Variants in FREM3 observed in about 807,000 individuals in gnomAD.
FREM3 encodes the protein FRAS1-related extracellular matrix protein 3.
A neutral mutation model predicts 129.1 loss-of-function variants in FREM3; 105 were observed. The ratio of observed to expected loss-of-function variants is 0.81; its 90% CI spans 0.69 to 0.96. FREM3 has a LOEUF of 0.96. Among genes scored for constraint, FREM3 ranks in the 40% least tolerant of loss-of-function variants. FREM3 has a pLI of 0.00. For missense variants in FREM3, 2,593 were observed against 2,666.3 expected, an observed-to-expected ratio of 0.97 and a Z score of 0.61; for synonymous variants, 1,014 against 1,044.9, an observed-to-expected ratio of 0.97 and a Z score of 0.57.
At chr4:143,667,088 G>C (rs1424063515) in intron 2 of FREM3, among the ~76,000 whole-genome samples, 1 of 152,038 alleles carries the variant, frequency 6.6e-6, no homozygotes, top group Non-Finnish European at 1.5e-5. Context: ...TGATAATAAA[G>C]TATCTGTAAT....
At position 143,698,330 on chromosome 4, in the gene FREM3, C is replaced by A; in HGVS notation, c.2346G>T (p.Gln782His). The change falls in exon 1 of 8, where the codon CAG (glutamine) becomes CAT (histidine). Residue 782 changes from glutamine to histidine, a missense_variant. By Grantham distance (24) the Gln-to-His change is conservative (BLOSUM62 0). This residue lies in a region of FREM3 where 2,276 missense variants were observed against 2,267.2 expected (regional missense o/e 1.00). Coordinates refer to ENST00000329798, the MANE Select transcript of FREM3 (RefSeq NM_001168235.2). ...IMHFTQAQVN[Q>H]HKVAYQPPQK... ...GTGGAGGCTGGTAGGCAACTTTATGCTGATTTACCTGGGCTTGGGTAAAGT... is the reference window on the plus strand; with the variant it reads ...GTGGAGGCTGGTAGGCAACTTTATGATGATTTACCTGGGCTTGGGTAAAGT... 2.0e-6 allele frequency: 3 copies of A among 1,537,860 alleles called. No homozygotes were observed.
intron 2 of FREM3, among the ~76,000 whole-genome samples, chr4:143,684,059 C>CTAGGTGT (rs1740308875): frequency 6.6e-6 from 1 of 152,144 alleles, no homozygotes; most frequent in South Asian, 2.1e-4. Context: ...ACATGATGGG[C>CTAGGTGT]CTTCCCTACC....
intron 3 of FREM3, among the ~76,000 whole-genome samples, chr4:143,627,149 C>T (rs768026976): frequency 1.3e-5 from 2 of 152,042 alleles, no homozygotes; most frequent in African/African-American, 2.4e-5. Context: ...TACATGTCCT[C>T]AAGGAATTTA....
chr4:143,660,696 T>C lies in FREM3; in HGVS notation c.5275+32417A>G, dbSNP rs183316118. Among the ~76,000 whole-genome samples the C allele has an allele frequency of 2.9e-3, 443 of 152,232 alleles. 4 individuals carry two copies. The highest frequency in any genetic ancestry group is 0.01 in the African/African-American group (422 of 41,540). ...GGGCAGTATGGCCATTTTCACGATA[T>C]TGATTCTTCCTACCCATGAGCATGG... On this transcript the variant is annotated intron_variant, in intron 2 of 7. Coordinates refer to ENST00000329798, the MANE Select transcript of FREM3 (RefSeq NM_001168235.2).
At chr4:143,579,547 T>C (rs536330230) in intron 7 of FREM3, among the ~76,000 whole-genome samples, 3 of 152,212 alleles carry the variant, frequency 2.0e-5, no homozygotes, top group Non-Finnish European at 4.4e-5. Flanking sequence ...ACTCAAATCT[T>C]GGTTTATTGC....
rs187820783 is a variant in FREM3, at chr4:143,615,191, G to A, written c.5780-3664C>T. Among the ~76,000 whole-genome samples the A allele has an allele frequency of 1.1e-3, 164 of 152,296 alleles. 1 individual carries two copies. The highest frequency in any genetic ancestry group is 1.7e-3 in the Non-Finnish European group (115 of 68,028). ...GAGGTGGCCAGGGCGTTTTATCAAT[G>A]AGAAAATTGAGGCAGAGAATGCCCC... On this transcript the variant is annotated intron_variant, in intron 5 of 7. Transcript: ENST00000329798.
At chr4:143,631,053 T>C (rs1427138603) in intron 2 of FREM3, among the ~76,000 whole-genome samples, 1 of 152,102 alleles carries the variant, frequency 6.6e-6, no homozygotes, top group Non-Finnish European at 1.5e-5. Context: ...TTAAAGTATT[T>C]TCTCTTTCCC....
chr4:143,609,025 G>A (rs1415573584), intron 6 of FREM3, among the ~76,000 whole-genome samples: 1 of 152,094 alleles, frequency 6.6e-6, no homozygotes, highest in Non-Finnish European at 1.5e-5. Context: ...TTCTTAGAAT[G>A]ACTTAAGAAT....
chr4:143,604,211 C>T (rs79058762), intron 6 of FREM3, among the ~76,000 whole-genome samples: 3,502 of 152,202 alleles, frequency 0.023, 138 homozygotes, highest in African/African-American at 0.079. Context: ...TCTTGAGGCC[C>T]TCACCAGAAG....
rs1740558217 is a variant in FREM3 at position 143,695,905 on chromosome 4, G to A, written c.4771C>T (p.Arg1591Cys). The change falls in exon 1 of 8, where the codon CGT becomes TGT. Residue 1591 changes from arginine (R) to cysteine (C), a missense_variant. Arg to Cys is a radical substitution (Grantham distance 180, BLOSUM62 -3). Coordinates refer to ENST00000329798, the MANE Select transcript of FREM3 (RefSeq NM_001168235.2). ...MHGKILYNGS[R>C]PVTTFTKQDL... ...TGCTTGGTGAAAGTGGTCACGGGACGGCTACCATTGTACAAAATCTTGCCA... is the reference window on the plus strand; with the variant it reads ...TGCTTGGTGAAAGTGGTCACGGGACAGCTACCATTGTACAAAATCTTGCCA... 5.9e-6 allele frequency: 9 copies of A among 1,537,614 alleles called. No homozygotes were observed. The highest frequency in any genetic ancestry group is 2.4e-5 in the East Asian group (1 of 40,910).
chr4:143,671,407 T>G (rs1172034408), intron 2 of FREM3, among the ~76,000 whole-genome samples: 2 of 152,160 alleles, frequency 1.3e-5, no homozygotes, highest in Non-Finnish European at 2.9e-5. Context: ...AAATGTAAAT[T>G]TATCCATCTC....
chr4:143,700,439 G>A lies in FREM3; in HGVS notation c.237C>T (p.Leu79=). 1 of 1,526,856 alleles carries A rather than the reference G, an allele frequency of 6.5e-7. No individual in the cohort carries two copies. Among genetic ancestry groups the A allele is most frequent in the Non-Finnish European group, 8.8e-7 (1 of 1,141,408 alleles). The allele number at this position is 1,526,856 out of a possible 1,614,324, so 94.6% of individuals were successfully genotyped here. A position where few individuals can be genotyped will look rare whatever the true frequency, so the allele number is the denominator to read the frequency against. The change falls in exon 1 of 8, where the codon CTC becomes CTT. Residue 79 remains leucine, a synonymous_variant. Coordinates refer to ENST00000329798, the MANE Select transcript of FREM3 (RefSeq NM_001168235.2). ...CAATCACCAGATCCCGGAGCGGGTC[G>A]AGCCAAAGGGAACGACCCAGGGGCA... ...LRVPLGRSLW[L]DPLRDLVIGV...
intron 2 of FREM3, among the ~76,000 whole-genome samples, chr4:143,674,553 A>G (rs983089984): frequency 1.3e-5 from 2 of 152,226 alleles, no homozygotes; most frequent in East Asian, 1.9e-4. Flanking sequence ...ATTAACCTTA[A>G]ATGTAAATGA....
At chr4:143,600,963 CTTT>C (rs5862656) in intron 6 of FREM3, among the ~76,000 whole-genome samples, 4 of 139,088 alleles carry the variant, frequency 2.9e-5, no homozygotes, top group Non-Finnish European at 4.7e-5. Context: ...TTTCTAAAGT[CTTT>C]TTTTTTTTTT....
intron 5 of FREM3, among the ~76,000 whole-genome samples, chr4:143,613,235 A>G (rs1261395684): frequency 6.6e-6 from 1 of 152,242 alleles, no homozygotes; most frequent in Non-Finnish European, 1.5e-5. Flanking sequence ...AGAGTTGATG[A>G]GAACAAAATG....
intron 5 of FREM3, among the ~76,000 whole-genome samples, chr4:143,617,298 A>C (rs1397063307): frequency 6.6e-6 from 1 of 152,010 alleles, no homozygotes; most frequent in East Asian, 1.9e-4. Flanking sequence ...GAGGTGGTAG[A>C]TGCGTCTAGA....
chr4:143,674,381 C>T (rs1740064539), intron 2 of FREM3, among the ~76,000 whole-genome samples: 1 of 152,080 alleles, frequency 6.6e-6, no homozygotes, highest in South Asian at 2.1e-4. Context: ...TACAAGAGCT[C>T]CTGAAGGAAG....
In FREM3 at chr4:143,699,585, A is replaced by G; in HGVS notation, c.1091T>C (p.Val364Ala). The change falls in exon 1 of 8, where the codon GTC becomes GCC. Residue 364 changes from valine (V) to alanine (A), a missense_variant. Coordinates refer to ENST00000329798, the MANE Select transcript of FREM3 (RefSeq NM_001168235.2). The surrounding 1 kb of genome is among the most constrained non-coding windows in gnomAD (Gnocchi z 4.2). ...PGHPGQQGYV[V>A]STDDPLGLPV... ...AAGCCCTAGAGGGTCGTCGGTGCTG[A>G]CCACGTAGCCCTGTTGCCCCGGGTG... The G allele has an allele frequency of 6.5e-7, 1 of 1,534,464 alleles. No individual in the cohort carries two copies. Among genetic ancestry groups the G allele is most frequent in the South Asian group, 1.2e-5 (1 of 83,830 alleles).
chr4:143,699,841 C>T lies in FREM3; in HGVS notation c.835G>A (p.Ala279Thr), dbSNP rs1740659678. 1 of 1,536,588 alleles carries T rather than the reference C, an allele frequency of 6.5e-7. No homozygotes were observed. Among genetic ancestry groups the T allele is most frequent in the African/African-American group, 1.4e-5 (1 of 73,186 alleles). The part of the protein sequence containing the change: ...VELLGPEGQD[A>T]GSAGVLVREH... ...CGGACCAGCACACCCGCGGACCCAG[C>T]GTCTTGGCCCTCAGGCCCCAGCAGC... The change falls in exon 1 of 8, where the codon GCT becomes ACT. Residue 279 changes from alanine to threonine, a missense_variant. This residue lies in a region of FREM3 where 2,276 missense variants were observed against 2,267.2 expected (regional missense o/e 1.00). Transcript: ENST00000329798. This position sits in a 1 kb window ranked among gnomAD's most constrained non-coding sequence, Gnocchi z 4.2.
Sources: gnomAD v4.1 joint callset for allele counts (sites outside exome capture counted in the v4.1 genomes callset) on GRCh38, gnomAD v4.1.1 for gene constraint, gnomAD v4.1.1 regional missense constraint, Gnocchi (gnomAD v3.1) non-coding constraint, MANE v1.5 for transcripts, NCBI Gene and HGNC (gene_info 2026-07-23, HGNC 2026-07-21) for gene names.